Variants in NUMA1 observed in about 807,000 individuals in gnomAD.
The protein encoded by NUMA1 is SP-H antigen.
Under a neutral mutation model 237.1 loss-of-function variants are expected in NUMA1, and 62 were observed. The ratio of observed to expected loss-of-function variants is 0.26; its 90% CI spans 0.21 to 0.32. The LOEUF is 0.32. Among genes scored for constraint, NUMA1 ranks in the 10% least tolerant of loss-of-function variants. The pLI, the probability that NUMA1 is intolerant of heterozygous loss-of-function variation, is 1.00. For synonymous variants in NUMA1, 1,028 were observed against 1,066.1 expected, an observed-to-expected ratio of 0.96 and a Z score of 0.70; for missense variants, 2,533 against 2,666.5, an observed-to-expected ratio of 0.95 and a Z score of 1.10.
At chr11:72,044,155 A>C (rs1941859311) in intron 2 of NUMA1, among the ~76,000 whole-genome samples, 2 of 152,184 alleles carry the variant, frequency 1.3e-5, no homozygotes, top group Admixed American at 1.3e-4. Context: ...AAGATCACAT[A>C]GCAAGTAAAT....
chr11:72,078,219 T>C (rs905287984), intron 1 of NUMA1, among the ~76,000 whole-genome samples: 9 of 152,234 alleles, frequency 5.9e-5, no homozygotes, highest in African/African-American at 1.7e-4. Context: ...TAGAGATGGA[T>C]TGACTTTGGG....
Position 72,015,890 on chromosome 11 carries a change from G to A in NUMA1, c.1613C>T (p.Thr538Ile). 2 of 1,614,152 alleles carry A rather than the reference G, an allele frequency of 1.2e-6. No homozygotes were observed. The highest frequency in any genetic ancestry group is 1.7e-6 in the Non-Finnish European group (2 of 1,180,042). The change falls in exon 15 of 27, where the codon ACC becomes ATC. Residue 538 changes from threonine (T) to isoleucine (I), a missense_variant. Physicochemically the swap from Thr to Ile is moderately conservative, Grantham distance 89 (BLOSUM62 -1). Around this residue, in one of 3 missense-constraint regions of NUMA1, gnomAD observed 1,414 missense variants for 1,508.1 expected, o/e 0.94. Transcript: ENST00000393695. The surrounding 1 kb of genome is among the most constrained non-coding windows in gnomAD (Gnocchi z 4.0). The part of the protein sequence containing the change: ...AKEKQAQLAQ[T>I]LQQQEQASQG... ...GGAGGCCTGTTCTTGCTGTTGGAGG[G>A]TCTGTGCTAGCTGGGCCTGCTTCTC...
intron 1 of NUMA1, among the ~76,000 whole-genome samples, chr11:72,074,966 G>A (rs764740454): frequency 7.9e-5 from 12 of 151,932 alleles, no homozygotes; most frequent in Non-Finnish European, 8.8e-5. Flanking sequence ...CCCGAGAGGC[G>A]GAGGTTGCAG....
intron 6 of NUMA1, 152 bp downstream of exon 6, chr11:72,022,913 G>C: frequency 1.6e-6 from 1 of 609,032 alleles, no homozygotes. Context: ...TCTCAAGACA[G>C]GTGGCTGCCT....
At chr11:72,050,983 GCTCAAGTGATCCTCCCGC>G (rs1941467177) in intron 2 of NUMA1, 2 of 151,744 alleles carry the variant, frequency 1.3e-5, no homozygotes, top group African/African-American at 4.8e-5. Flanking sequence ...AAACTTCTGG[GCTCAAGTGATCCTCCCGC>G]CTCAGCCTTA....
intron 20 of NUMA1, chr11:72,007,660 AC>A: frequency 1.7e-6 from 1 of 594,482 alleles, no homozygotes; most frequent in Non-Finnish European, 3.0e-6. Context: ...CAATGCCCAG[AC>A]CCAGATGTCC....
chr11:72,016,975 ATTTTTTTTTTTTT>A (rs67134844), intron 13 of NUMA1: 131,029 of 154,092 alleles, frequency 0.85, 56,334 homozygotes, highest in Non-Finnish European at 0.94. Context: ...TTCATCCCTA[ATTTTTTTTTTTTT>A]TTTTTTTTTT....
intron 2 of NUMA1, chr11:72,067,093 G>T (rs1029769958): frequency 6.6e-6 from 1 of 152,242 alleles, no homozygotes; most frequent in Non-Finnish European, 1.5e-5. Context: ...GAAATAGGGA[G>T]ATTAAGAGGT....
intron 24 of NUMA1, 107 bp downstream of exon 24, chr11:72,004,533 A>T: frequency 7.7e-7 from 1 of 1,295,216 alleles, no homozygotes; most frequent in Non-Finnish European, 1.1e-6. Flanking sequence ...AGAGGGAAAG[A>T]GAGGGGGAAG....
In NUMA1 at chr11:72,013,649, T is replaced by G. The variant is rs763232445; in HGVS notation, c.3854A>C (p.Glu1285Ala). 1.7e-5 allele frequency: 27 copies of G among 1,609,502 alleles called. No homozygotes were observed. The highest frequency in any genetic ancestry group is 2.2e-5 in the East Asian group (1 of 44,876). ...CTCCTCCCGCAGAGCAGAGCTGCGTTCTGCAGCTCTGGCACTGTTGCTGGC... is the reference window on the plus strand; with the variant it reads ...CTCCTCCCGCAGAGCAGAGCTGCGTGCTGCAGCTCTGGCACTGTTGCTGGC... Reference protein sequence around the residue: ...ETASNSARAAERSSALREEVQ... With the variant: ...ETASNSARAAARSSALREEVQ... Residue 1285 changes from glutamate (E) to alanine (A), a missense_variant, in exon 15 of 27, where the codon GAA becomes GCA. Transcript: ENST00000393695. The surrounding 1 kb of genome is among the most constrained non-coding windows in gnomAD (Gnocchi z 6.8).
chr11:72,078,763 T>C (rs1159989171), intron 1 of NUMA1, among the ~76,000 whole-genome samples: 8 of 152,170 alleles, frequency 5.3e-5, no homozygotes, highest in Non-Finnish European at 1.2e-4. Flanking sequence ...AAGAAGAAAA[T>C]ACCACACAGA....
At chr11:72,078,233 G>A (rs1015148828) in intron 1 of NUMA1, among the ~76,000 whole-genome samples, 6 of 152,210 alleles carry the variant, frequency 3.9e-5, no homozygotes, top group African/African-American at 1.4e-4. Context: ...CTTTGGGAAT[G>A]ATCTCATTCT....
At chr11:72,018,641 C>A in intron 10 of NUMA1, 128 bp from the exon 11 acceptor site, 1 of 1,052,932 alleles carries the variant, frequency 9.5e-7, no homozygotes, top group Non-Finnish European at 1.4e-6. Context: ...ATATGGTATC[C>A]AATCTAAGGG....
chr11:72,011,238 G>C (rs532826491), intron 16 of NUMA1, among the ~76,000 whole-genome samples: 1 of 152,178 alleles, frequency 6.6e-6, no homozygotes, highest in African/African-American at 2.4e-5. Flanking sequence ...TGTAATTCTA[G>C]TAGACATACT....
At chr11:72,007,962 G>A (rs1955859751) in intron 20 of NUMA1, 1 of 379,602 alleles carries the variant, frequency 2.6e-6, no homozygotes, top group Non-Finnish European at 5.1e-6. Flanking sequence ...GAAGATGAGT[G>A]GTGACAAGCC....
At chr11:72,018,662 TG>T in intron 10 of NUMA1, 149 bp from the exon 11 acceptor site, 1 of 1,091,964 alleles carries the variant, frequency 9.2e-7, no homozygotes, top group Non-Finnish European at 1.3e-6. Context: ...AAAGAGAAGA[TG>T]GGGACAAAGA....
chr11:72,031,606 G>C (rs938499781), intron 3 of NUMA1, among the ~76,000 whole-genome samples: 3 of 152,108 alleles, frequency 2.0e-5, no homozygotes, highest in Non-Finnish European at 2.9e-5. Flanking sequence ...ACCAGCCTGG[G>C]CAACATAAGG....
chr11:72,064,355 G>A (rs1203876993), intron 2 of NUMA1, among the ~76,000 whole-genome samples: 1 of 151,438 alleles, frequency 6.6e-6, no homozygotes, highest in Non-Finnish European at 1.5e-5. Flanking sequence ...TCAGCTACTT[G>A]GGAAGCTAAA....
At chr11:72,016,637 AAG>A (rs1455719010) in intron 13 of NUMA1, 107 bp from the exon 14 acceptor site, 1 of 1,403,582 alleles carries the variant, frequency 7.1e-7, no homozygotes, top group East Asian at 2.3e-5. Context: ...TCTTGTTACC[AAG>A]ATCTCCTTTT....
Sources: gnomAD v4.1 joint callset for allele counts (sites outside exome capture counted in the v4.1 genomes callset) on GRCh38, gnomAD v4.1.1 for gene constraint, gnomAD v4.1.1 regional missense constraint, Gnocchi (gnomAD v3.1) non-coding constraint, MANE v1.5 for transcripts, NCBI Gene and HGNC (gene_info 2026-07-23, HGNC 2026-07-21) for gene names.